Variants in ANK2 observed in about 807,000 individuals in gnomAD.
ANK2 encodes the protein ankyrin 2.
ANK2 carries 83 observed loss-of-function variants against 360.5 expected under a neutral mutation model. That is an observed-to-expected ratio of 0.23 (90% CI 0.19 to 0.28). The LOEUF is 0.28. Ranked by LOEUF, ANK2 falls within the 10% of genes least tolerant of loss-of-function variation. The pLI is 1.00. For synonymous variants in ANK2, 1,740 were observed against 1,759.5 expected (o/e 0.99, Z 0.28); for missense variants, 4,201 against 4,795.7 (o/e 0.88, Z 3.66).
At chr4:113,164,026 T>G (rs1305538957) in intron 1 of ANK2, among the ~76,000 whole-genome samples, 1 of 152,136 alleles carries the variant, frequency 6.6e-6, no homozygotes, top group East Asian at 1.9e-4. Context: ...AGGCAATCAC[T>G]TACCAGTTTT....
intron 1 of ANK2, among the ~76,000 whole-genome samples, chr4:113,054,855 T>C (rs2068821388): frequency 6.6e-6 from 1 of 152,218 alleles, no homozygotes; most frequent in South Asian, 2.1e-4. Flanking sequence ...TCTCTGTTTC[T>C]ATTTACTCAC....
chr4:112,976,068 T>C (rs977809765), intron 2 of ANK2, among the ~76,000 whole-genome samples: 3 of 152,204 alleles, frequency 2.0e-5, no homozygotes, highest in African/African-American at 2.4e-5. Context: ...GTCGTTTTTT[T>C]CCCTGCAATC....
At chr4:112,730,906 G>T in the ANK2 span, among the ~76,000 whole-genome samples, 1 of 151,368 alleles carries the variant, frequency 6.6e-6, no homozygotes, top group Non-Finnish European at 1.5e-5. Flanking sequence ...TTGGGAGGCC[G>T]AGGAGGGAGG....
At chr4:113,223,125 G>T (rs577060841) in intron 4 of ANK2, among the ~76,000 whole-genome samples, 37 of 152,244 alleles carry the variant, frequency 2.4e-4, no homozygotes, top group African/African-American at 8.4e-4. Context: ...TTAAAGCTTG[G>T]TGACAATTTG....
intron 2 of ANK2, among the ~76,000 whole-genome samples, chr4:113,175,134 G>A (rs2098142484): frequency 6.6e-6 from 1 of 152,114 alleles, no homozygotes; most frequent in Non-Finnish European, 1.5e-5. Flanking sequence ...GTGGACTGCA[G>A]TATTCACTTC....
chr4:113,367,967 A>C (rs1181409944), intron 42 of ANK2, 116 bp downstream of exon 42: 5 of 1,247,564 alleles, frequency 4.0e-6, no homozygotes, highest in Non-Finnish European at 5.7e-6. Flanking sequence ...ACCCTACCAA[A>C]CACAAGTGCC....
intron 35 of ANK2, chr4:113,347,928 T>C: frequency 3.9e-6 from 1 of 253,982 alleles, no homozygotes; most frequent in Non-Finnish European, 7.7e-6. Context: ...TTTCAACCAA[T>C]ATCTGTAATG....
Position 113,134,281 on chromosome 4 carries a change from C to CT in ANK2, c.85-40111dup, listed in dbSNP as rs5861124. Among the ~76,000 whole-genome samples the CT allele has an allele frequency of 7.1e-3, 611 of 86,008 alleles. 4 individuals carry two copies. Among genetic ancestry groups the CT allele is most frequent in the African/African-American group, 0.01 (228 of 22,180 alleles). The allele number at this position is 86,008 out of a possible 152,430, so 56.4% of individuals were successfully genotyped here. On this transcript the variant is annotated intron_variant, in intron 1 of 45. Coordinates refer to ENST00000357077, the MANE Select transcript of ANK2 (RefSeq NM_001148.6). ...AGCTCTAAAATTTCCTGAAAGTTGT[C>CT]TTTTTTTTTTTTTTTTTTTTTTTTC...
chr4:112,950,167 T>C (rs895169067), intron 2 of ANK2, among the ~76,000 whole-genome samples: 1 of 152,172 alleles, frequency 6.6e-6, no homozygotes, highest in African/African-American at 2.4e-5. Flanking sequence ...CCTCTCTCTA[T>C]TTGAATATAA....
rs571966614 is a variant in ANK2, at chr4:113,083,063, AT to A, written c.84+33258del. 8.4e-4 allele frequency among the ~76,000 whole-genome samples: 127 copies of A among 151,828 alleles called. 1 individual carries two copies. Among genetic ancestry groups the A allele is most frequent in the African/African-American group, 3.1e-3 (127 of 41,438 alleles). On this transcript the variant is annotated intron_variant, in intron 1 of 45. Transcript: ENST00000357077. ...TCTGTATAATTTCTTTTGTTGTTTT[AT>A]TTTTTTAAATTTTTAAATTTTATTT...
chr4:113,229,086 C>T (rs145064263), intron 4 of ANK2, among the ~76,000 whole-genome samples: 351 of 152,306 alleles, frequency 2.3e-3, no homozygotes, highest in Middle Eastern at 3.4e-3. Flanking sequence ...TTGTTCATCT[C>T]CCATTTTTAC....
the ANK2 span, among the ~76,000 whole-genome samples, chr4:112,790,484 CTT>C: frequency 0.091 from 10,345 of 113,478 alleles, 507 homozygotes; most frequent in African/African-American, 0.19. Context: ...CTTTTCTTTT[CTT>C]TTTTTTTTTT....
chr4:112,795,119 G>A, the ANK2 span, among the ~76,000 whole-genome samples: 2 of 152,106 alleles, frequency 1.3e-5, no homozygotes, highest in Non-Finnish European at 2.9e-5. Context: ...AATAATAGAA[G>A]TAGGGACAGA....
chr4:113,147,872 AC>A (rs1417500870), intron 1 of ANK2, among the ~76,000 whole-genome samples: 2 of 152,258 alleles, frequency 1.3e-5, no homozygotes, highest in African/African-American at 4.8e-5. Context: ...AGAGTGAAGA[AC>A]AAAACTCAGC....
chr4:113,243,574 G>C (rs2041193776), intron 9 of ANK2, among the ~76,000 whole-genome samples: 1 of 152,154 alleles, frequency 6.6e-6, no homozygotes, highest in East Asian at 1.9e-4. Flanking sequence ...GTGGTGTCCA[G>C]TGTCTTTGCA....
chr4:112,875,289 C>T (rs2074687688), intron 1 of ANK2, among the ~76,000 whole-genome samples: 1 of 152,030 alleles, frequency 6.6e-6, no homozygotes. Context: ...AAAATGTTGG[C>T]TTATAGGCTT....
the ANK2 span, among the ~76,000 whole-genome samples, chr4:112,778,838 G>A: frequency 6.6e-6 from 1 of 152,096 alleles, no homozygotes; most frequent in Non-Finnish European, 1.5e-5. Context: ...TTTGTCTGGG[G>A]GAAATCGAAT....
chr4:113,137,284 T>C (rs924313411), intron 1 of ANK2, among the ~76,000 whole-genome samples: 2 of 152,220 alleles, frequency 1.3e-5, no homozygotes, highest in African/African-American at 4.8e-5. Flanking sequence ...TTACAGTAAT[T>C]CAGTCAAGAA....
chr4:112,903,230 C>T (rs1281270135), intron 1 of ANK2, among the ~76,000 whole-genome samples: 1 of 152,164 alleles, frequency 6.6e-6, no homozygotes, highest in African/African-American at 2.4e-5. Context: ...AGGTGATGCT[C>T]ATTCTTCTGG....
Sources: allele counts gnomAD v4.1 joint callset (sites outside exome capture counted in the v4.1 genomes callset), GRCh38; gene constraint gnomAD v4.1.1; transcripts MANE v1.5; gene names NCBI Gene and HGNC (gene_info 2026-07-23, HGNC 2026-07-21).